Variants in GRIK2 observed in about 807,000 individuals in gnomAD.
The protein encoded by GRIK2 is glutamate ionotropic receptor kainate type subunit 2.
GRIK2 carries 32 observed loss-of-function variants against 100.3 expected under a neutral mutation model. That is an observed-to-expected ratio of 0.32 (90% CI 0.24 to 0.43). The LOEUF is 0.43. Ranked by LOEUF, GRIK2 falls within the 20% of genes least tolerant of loss-of-function variation. The pLI, the probability that GRIK2 is intolerant of heterozygous loss-of-function variation, is 1.00. For missense variants in GRIK2, 843 were observed against 1,114.9 expected (o/e 0.76, Z 3.47); for synonymous variants, 417 against 389.4 (o/e 1.07, Z -0.83).
At chr6:101,677,621 G>C (rs1419934144) in intron 5 of GRIK2, among the ~76,000 whole-genome samples, 1 of 152,066 alleles carries the variant, frequency 6.6e-6, no homozygotes, top group Non-Finnish European at 1.5e-5. Context: ...TTACTATGTA[G>C]TAGAGCCTGG....
chr6:101,998,835 T>A, intron 14 of GRIK2, among the ~76,000 whole-genome samples: 1 of 125,046 alleles, frequency 8.0e-6, no homozygotes, highest in Non-Finnish European at 1.7e-5. Context: ...TTTTTTTGAG[T>A]TGGAGTCTCG....
At chr6:101,746,755 C>G in intron 7 of GRIK2, among the ~76,000 whole-genome samples, 1 of 152,122 alleles carries the variant, frequency 6.6e-6, no homozygotes, top group East Asian at 1.9e-4. Flanking sequence ...CCCTCAGTTT[C>G]CCTTTGTAAA....
chr6:101,810,257 A>G (rs1438999909), intron 9 of GRIK2, among the ~76,000 whole-genome samples: 1 of 152,004 alleles, frequency 6.6e-6, no homozygotes, highest in African/African-American at 2.4e-5. Flanking sequence ...CATTATTTAA[A>G]AAATCAAAAT....
At chr6:101,395,352 G>T (rs542231540) in intron 1 of GRIK2, among the ~76,000 whole-genome samples, 93 of 152,292 alleles carry the variant, frequency 6.1e-4, no homozygotes, top group African/African-American at 2.1e-3. Context: ...GACAAGTCAA[G>T]TGGAATCCTT....
chr6:101,550,508 A>C (rs1399814268), intron 2 of GRIK2, among the ~76,000 whole-genome samples: 1 of 152,192 alleles, frequency 6.6e-6, no homozygotes, highest in Non-Finnish European at 1.5e-5. Flanking sequence ...AACAAAGATG[A>C]TATTTGAAAC....
At chr6:101,946,646 A>G (rs1049300391) in intron 14 of GRIK2, among the ~76,000 whole-genome samples, 1 of 152,206 alleles carries the variant, frequency 6.6e-6, no homozygotes. Flanking sequence ...CATCGAAGCC[A>G]TGACTGCACC....
chr6:101,961,461 C>G (rs1482643951), intron 14 of GRIK2, among the ~76,000 whole-genome samples: 2 of 152,124 alleles, frequency 1.3e-5, no homozygotes, highest in African/African-American at 2.4e-5. Flanking sequence ...CAACGCCCCC[C>G]ACGAAAGAAC....
chr6:101,702,492 G>A (rs1211538787), intron 7 of GRIK2, among the ~76,000 whole-genome samples: 1 of 151,836 alleles, frequency 6.6e-6, no homozygotes, highest in African/African-American at 2.4e-5. Context: ...CTGTGCCCTT[G>A]TACATATTTC....
At chr6:101,559,154 A>G (rs570580670) in intron 2 of GRIK2, among the ~76,000 whole-genome samples, 3 of 152,182 alleles carry the variant, frequency 2.0e-5, no homozygotes, top group Non-Finnish European at 4.4e-5. Context: ...CAGAATTAGT[A>G]TTTAAGTATT....
chr6:101,949,463 A>G (rs1029141867), intron 14 of GRIK2, among the ~76,000 whole-genome samples: 1 of 152,032 alleles, frequency 6.6e-6, no homozygotes, highest in African/African-American at 2.4e-5. Flanking sequence ...GCACCCATCC[A>G]ACCGTCATCT....
At chr6:101,850,798 A>T (rs1449325984) in intron 10 of GRIK2, among the ~76,000 whole-genome samples, 1 of 152,056 alleles carries the variant, frequency 6.6e-6, no homozygotes, top group Non-Finnish European at 1.5e-5. Flanking sequence ...TGATGTGGAG[A>T]TTTAAGACTA....
intron 2 of GRIK2, among the ~76,000 whole-genome samples, chr6:101,518,237 A>G (rs1350944949): frequency 2.0e-5 from 3 of 152,168 alleles, no homozygotes; most frequent in Admixed American, 2.0e-4. Context: ...AGAGAGAAAA[A>G]CAGTCACTGT....
At chr6:101,521,435 T>C (rs923416338) in intron 2 of GRIK2, among the ~76,000 whole-genome samples, 6 of 151,958 alleles carry the variant, frequency 3.9e-5, no homozygotes, top group African/African-American at 1.4e-4. Context: ...AAATTAACCA[T>C]TTAAAGCATG....
intron 4 of GRIK2, among the ~76,000 whole-genome samples, chr6:101,644,963 A>G (rs559701712): frequency 1.3e-5 from 2 of 151,932 alleles, no homozygotes; most frequent in East Asian, 1.9e-4. Flanking sequence ...TGATGAGAAC[A>G]TGATTCTTGA....
chr6:102,027,548 T>C (rs1769767450), intron 14 of GRIK2, among the ~76,000 whole-genome samples: 1 of 143,864 alleles, frequency 7.0e-6, no homozygotes, highest in Non-Finnish European at 1.6e-5. Context: ...TTCAATTTTC[T>C]TTGCATGGTG....
intron 2 of GRIK2, among the ~76,000 whole-genome samples, chr6:101,522,475 C>T (rs1774926794): frequency 6.6e-6 from 1 of 152,152 alleles, no homozygotes; most frequent in Non-Finnish European, 1.5e-5. Flanking sequence ...ATTAATGTGT[C>T]GCTTTCCAGT....
chr6:101,751,536 A>G (rs774209249), intron 7 of GRIK2, among the ~76,000 whole-genome samples: 3 of 152,220 alleles, frequency 2.0e-5, no homozygotes, highest in East Asian at 1.9e-4. Context: ...CCTAAAATAA[A>G]CTAATAACTT....
chr6:101,702,393 A>G (rs1189603502), intron 7 of GRIK2, among the ~76,000 whole-genome samples: 1 of 152,018 alleles, frequency 6.6e-6, no homozygotes, highest in South Asian at 2.1e-4. Context: ...GTACATTAAC[A>G]TAGAAATTTT....
chr6:101,556,942 G>GTCAT (rs1364711172), intron 2 of GRIK2, among the ~76,000 whole-genome samples: 3 of 151,964 alleles, frequency 2.0e-5, no homozygotes, highest in Non-Finnish European at 4.4e-5. Context: ...AAATATTTAT[G>GTCAT]TCATTGAAGT....
Sources: allele counts gnomAD v4.1 joint callset (sites outside exome capture counted in the v4.1 genomes callset), GRCh38; gene constraint gnomAD v4.1.1; transcripts MANE v1.5; gene names NCBI Gene and HGNC (gene_info 2026-07-23, HGNC 2026-07-21).